Variants in CTNNA1 observed in about 807,000 individuals in gnomAD.
The protein encoded by CTNNA1 is catenin alpha 1, also known as catenin alpha-1.
A neutral mutation model predicts 98.4 loss-of-function variants in CTNNA1; 37 were observed. That is an observed-to-expected ratio of 0.38 (90% CI 0.29 to 0.49). CTNNA1 has a LOEUF of 0.49. Among genes scored for constraint, CTNNA1 ranks in the 20% least tolerant of loss-of-function variants. CTNNA1 has a pLI of 0.95. For missense variants in CTNNA1, 761 were observed against 1,147.2 expected (o/e 0.66, Z 4.86); for synonymous variants, 404 against 413.2 (o/e 0.98, Z 0.27).
At chr5:138,930,352 A>C (rs1359305986) in intron 14 of CTNNA1, 121 bp from the exon 15 acceptor site, 1 of 708,716 alleles carries the variant, frequency 1.4e-6, no homozygotes, top group Non-Finnish European at 2.3e-6. Flanking sequence ...GGCGAAATGA[A>C]ACCTATTAAA....
chr5:138,811,461 C>T (rs1275991838), intron 4 of CTNNA1, among the ~76,000 whole-genome samples: 9 of 19,158 alleles, frequency 4.7e-4, no homozygotes, highest in Middle Eastern at 0.023. Flanking sequence ...GGGCTCCTCA[C>T]GTCCCAGACG....
chr5:138,874,815 G>A lies in CTNNA1; in HGVS notation c.1063-11397G>A. On this transcript the variant is annotated intron_variant, in intron 7 of 17. Coordinates refer to ENST00000302763, the MANE Select transcript of CTNNA1 (RefSeq NM_001903.5). The surrounding 1 kb of genome is among the most constrained non-coding windows in gnomAD (Gnocchi z 4.1). Reference sequence around the variant, plus strand: ...TAAACCTCAAAATCCAAAATATGATGGTGATTTCCCTCATAAAATGTGAAT... The same window carrying A: ...TAAACCTCAAAATCCAAAATATGATAGTGATTTCCCTCATAAAATGTGAAT... 2.4e-6 allele frequency: 3 copies of A among 1,241,524 alleles called. No homozygotes were observed. The highest frequency in any genetic ancestry group is 2.6e-5 in the South Asian group (2 of 77,514). 76.9% of individuals were successfully genotyped at this position (1,241,524 alleles called of 1,614,324 possible).
intron 3 of CTNNA1, among the ~76,000 whole-genome samples, chr5:138,799,557 G>T (rs1271570825): frequency 6.6e-6 from 1 of 151,766 alleles, no homozygotes; most frequent in South Asian, 2.1e-4. Flanking sequence ...AAGGTTTTGA[G>T]CATGGGTTCT....
chr5:138,934,151 C>G lies in CTNNA1; in HGVS notation c.*62C>G, dbSNP rs557824558. On this transcript the variant is annotated 3_prime_UTR_variant, in exon 18 of 18. Transcript: ENST00000302763. ...CCTGAATATCAGTCACTGTTCGTCACTCAAATGAATTTGCTAAATACAACA... is the reference window on the plus strand; with the variant it reads ...CCTGAATATCAGTCACTGTTCGTCAGTCAAATGAATTTGCTAAATACAACA... 1 of 1,316,252 alleles carries G rather than the reference C, an allele frequency of 7.6e-7. No homozygotes were observed. Among genetic ancestry groups the G allele is most frequent in the Non-Finnish European group, 1.1e-6 (1 of 940,264 alleles). The allele number at this position is 1,316,252 out of a possible 1,614,324, so 81.5% of individuals were successfully genotyped here.
intron 1 of CTNNA1, chr5:138,755,048 G>A (rs555182549): frequency 1.3e-5 from 2 of 152,324 alleles, no homozygotes; most frequent in East Asian, 3.9e-4. Flanking sequence ...CTGAGCCAGG[G>A]TGCCTGACCC....
intron 7 of CTNNA1, among the ~76,000 whole-genome samples, chr5:138,840,446 G>A (rs1175805331): frequency 6.6e-6 from 1 of 152,202 alleles, no homozygotes; most frequent in Admixed American, 6.5e-5. Context: ...ACTATAAAAT[G>A]TATGTGCAAA....
intron 10 of CTNNA1, among the ~76,000 whole-genome samples, chr5:138,908,562 G>A (rs1042147279): frequency 1.3e-5 from 2 of 149,602 alleles, no homozygotes; most frequent in Admixed American, 6.6e-5. Context: ...CTACTCAGGA[G>A]GCTGAAGCAG....
At position 138,934,318 on chromosome 5, in the gene CTNNA1, A is replaced by AAAAT. The variant is rs1165701044; in HGVS notation, c.*233_*236dup. The stretch of plus-strand genomic sequence containing the variant: ...GCTGTATTTTTTGTATGCTTAAATA[A>AAAAT]AAATAAAAATTCATAACCAAAGAGA... On this transcript the variant is annotated 3_prime_UTR_variant, in exon 18 of 18. Coordinates refer to ENST00000302763, the MANE Select transcript of CTNNA1 (RefSeq NM_001903.5). The AAAAT allele has an allele frequency of 5.8e-6, 3 of 514,420 alleles. No homozygotes were observed. The highest frequency in any genetic ancestry group is 3.3e-5 in the East Asian group (1 of 30,568). The allele number at this position is 514,420 out of a possible 1,614,324, so 31.9% of individuals were successfully genotyped here.
intron 7 of CTNNA1, among the ~76,000 whole-genome samples, chr5:138,867,241 A>G (rs1052952346): frequency 4.6e-5 from 7 of 152,286 alleles, no homozygotes; most frequent in African/African-American, 1.7e-4. Flanking sequence ...GTTACTGCTG[A>G]TATTCCTGGT....
chr5:138,780,706 G>A (rs1038093302), intron 1 of CTNNA1, among the ~76,000 whole-genome samples: 1 of 151,806 alleles, frequency 6.6e-6, no homozygotes, highest in African/African-American at 2.4e-5. Flanking sequence ...AGTAGAGACA[G>A]GGTTTATCCT....
At chr5:138,858,618 CAG>C (rs1486601734) in intron 7 of CTNNA1, among the ~76,000 whole-genome samples, 7 of 24,146 alleles carry the variant, frequency 2.9e-4, no homozygotes, top group African/African-American at 1.0e-3. Flanking sequence ...TTTTTTGAGA[CAG>C]AGTCTTATTC....
chr5:138,795,749 C>T lies in CTNNA1; in HGVS notation c.301+12377C>T, dbSNP rs114810545. On this transcript the variant is annotated intron_variant, in intron 3 of 17. Coordinates refer to ENST00000302763, the MANE Select transcript of CTNNA1 (RefSeq NM_001903.5). ...TTGCCTGTGATGTTGGTTACTTTCT[C>T]TCTTTTTTTTTTCTTCCTCTAGTTC... is the stretch of plus-strand genomic sequence containing the variant. 4.8e-3 allele frequency among the ~76,000 whole-genome samples: 725 copies of T among 151,880 alleles called. 2 individuals carry two copies. Among genetic ancestry groups the T allele is most frequent in the African/African-American group, 0.015 (610 of 41,410 alleles).
intron 10 of CTNNA1, among the ~76,000 whole-genome samples, chr5:138,912,028 A>G (rs1471260367): frequency 6.6e-6 from 1 of 152,240 alleles, no homozygotes; most frequent in Middle Eastern, 3.2e-3. Flanking sequence ...TGAGGTGCCT[A>G]TTAGACATGC....
intron 3 of CTNNA1, among the ~76,000 whole-genome samples, chr5:138,802,217 T>C (rs1011903801): frequency 6.6e-6 from 1 of 152,240 alleles, no homozygotes; most frequent in African/African-American, 2.4e-5. Flanking sequence ...ATATTTTGTC[T>C]CAGTGTTTAT....
chr5:138,804,160 A>G (rs1757852482), intron 3 of CTNNA1, among the ~76,000 whole-genome samples: 2 of 152,252 alleles, frequency 1.3e-5, no homozygotes, highest in South Asian at 4.1e-4. Flanking sequence ...TATTCTACAC[A>G]TCGTGCAGAG....
intron 6 of CTNNA1, among the ~76,000 whole-genome samples, chr5:138,825,221 C>G (rs1392444231): frequency 6.6e-6 from 1 of 152,092 alleles, no homozygotes; most frequent in Non-Finnish European, 1.5e-5. Flanking sequence ...AGCAAAAGTA[C>G]CATCATTCTA....
At chr5:138,902,732 T>C (rs1451784880) in intron 9 of CTNNA1, among the ~76,000 whole-genome samples, 1 of 152,258 alleles carries the variant, frequency 6.6e-6, no homozygotes, top group Non-Finnish European at 1.5e-5. Flanking sequence ...CAGCGATCTT[T>C]GTTAGTCACA....
At chr5:138,856,905 A>G (rs1377699160) in intron 7 of CTNNA1, among the ~76,000 whole-genome samples, 1 of 152,222 alleles carries the variant, frequency 6.6e-6, no homozygotes, top group East Asian at 1.9e-4. Context: ...TTCAGAAAAT[A>G]GTTTTAGACT....
intron 13 of CTNNA1, among the ~76,000 whole-genome samples, chr5:138,926,375 C>T (rs1191469747): frequency 6.6e-6 from 1 of 152,252 alleles, no homozygotes; most frequent in East Asian, 1.9e-4. Flanking sequence ...ATCCTGCTCT[C>T]CTGAGCACAG....
Sources: gnomAD v4.1 joint callset for allele counts (sites outside exome capture counted in the v4.1 genomes callset) on GRCh38, gnomAD v4.1.1 for gene constraint, Gnocchi (gnomAD v3.1) non-coding constraint, MANE v1.5 for transcripts, NCBI Gene and HGNC (gene_info 2026-07-23, HGNC 2026-07-21) for gene names.